The following SLC9A5 variants were observed in gnomAD, a reference collection of about 807,000 sequenced individuals.
SLC9A5 encodes the protein sodium/hydrogen exchanger 5.
Under a neutral mutation model 91.7 loss-of-function variants are expected in SLC9A5, and 52 were observed. That is an observed-to-expected ratio of 0.57 (90% CI 0.45 to 0.71). The LOEUF is 0.71. SLC9A5 is among the 30% of genes least tolerant of loss of function. SLC9A5 has a pLI of 0.00. For missense variants in SLC9A5, 871 were observed against 1,158.9 expected, an observed-to-expected ratio of 0.75 and a Z score of 3.61; for synonymous variants, 419 against 474.5, an observed-to-expected ratio of 0.88 and a Z score of 1.52.
rs1452026038 is a variant in SLC9A5 at position 67,249,127 on chromosome 16, G to A, written c.113G>A (p.Arg38His). Residue 38 changes from arginine (R) to histidine (H), a missense_variant, in exon 1 of 16, where the codon CGC becomes CAC. Arg to His is a conservative substitution (Grantham distance 29). Around this residue, in one of 3 missense-constraint regions of SLC9A5, gnomAD observed 122 missense variants for 114.5 expected, o/e 1.07. Coordinates refer to ENST00000299798, the MANE Select transcript of SLC9A5 (RefSeq NM_004594.3). ...GEPPPGLELF[R>H]WQWHEVEAPY... ...CCTCCCCCAGGCTTAGAGCTCTTCC[G>A]CTGGCAGTGGCACGAGGTGGAGGCG... is the stretch of plus-strand genomic sequence containing the variant. 1.9e-6 allele frequency: 3 copies of A among 1,557,026 alleles called. No individual in the cohort carries two copies. Among genetic ancestry groups the A allele is most frequent in the East Asian group, 2.5e-5 (1 of 40,468 alleles).
Position 67,259,373 on chromosome 16 carries a change from A to AG in SLC9A5, c.1627-200_1627-199insG, listed in dbSNP as rs1461976707. 1.3e-4 allele frequency among the ~76,000 whole-genome samples: 19 copies of AG among 151,806 alleles called. No homozygotes were observed. In the East Asian group the frequency reaches 1.4e-3, roughly 11 times the overall value. ...AGTGACTCTGTCTCAAAAAAAAAAA[A>AG]AAAAAAAAAAAATAGAAAGCAGGCA... On this transcript the variant is annotated intron_variant, in intron 10 of 15. Transcript: ENST00000299798.
intron 13 of SLC9A5, 107 bp from the exon 14 acceptor site, chr16:67,264,933 C>T: frequency 2.7e-6 from 3 of 1,114,768 alleles, no homozygotes; most frequent in Non-Finnish European, 4.1e-6. Flanking sequence ...GACATAAATT[C>T]CCTCCCCTGC....
At chr16:67,261,381 C>T (rs1326043257) in intron 12 of SLC9A5, 2 of 152,166 alleles carry the variant, frequency 1.3e-5, no homozygotes, top group Non-Finnish European at 2.9e-5. Context: ...TCCAGTAGAA[C>T]GAATAAAATA....
chr16:67,255,085 C>T lies in SLC9A5; in HGVS notation c.555C>T (p.Asp185=), dbSNP rs201610107. The T allele has an allele frequency of 1.3e-5, 21 of 1,614,074 alleles. No homozygotes were observed. In the East Asian group the frequency reaches 4.2e-4, roughly 33 times the overall value. Residue 185 remains aspartate, a synonymous_variant, in exon 3 of 16, where the codon GAC becomes GAT. Coordinates refer to ENST00000299798, the MANE Select transcript of SLC9A5 (RefSeq NM_004594.3). The surrounding 1 kb of genome is among the most constrained non-coding windows in gnomAD (Gnocchi z 4.9). ...TTGGGAGCCTCATCTCGGCGGTGGA[C>T]CCCGTGGCCGTGCTAGCTGTCTTTG... The part of the protein sequence containing the change: ...LLFGSLISAV[D]PVAVLAVFEE...
In SLC9A5 at chr16:67,249,188, T is replaced by G; in HGVS notation, c.174T>G (p.Ser58Arg). ...TGGCCCTGTGGATCCTGGTGGCCAG[T>G]CTGGCCAAAATCGGTGAGTGCGTGT... ...YLVALWILVA[S>R]LAKIVFHLSR... is the part of the protein sequence containing the mutation. The change falls in exon 1 of 16, where the codon AGT (serine) becomes AGG (arginine). Residue 58 changes from serine to arginine, a missense_variant. Ser to Arg is a moderately radical substitution (Grantham distance 110). Transcript: ENST00000299798. 1.3e-6 allele frequency: 2 copies of G among 1,534,060 alleles called. No homozygotes were observed. Among genetic ancestry groups the G allele is most frequent in the Non-Finnish European group, 1.7e-6 (2 of 1,146,392 alleles).
chr16:67,251,656 T>G (rs2035127125), intron 1 of SLC9A5, among the ~76,000 whole-genome samples: 1 of 152,004 alleles, frequency 6.6e-6, no homozygotes, highest in Non-Finnish European at 1.5e-5. Context: ...TCAGGTGATC[T>G]GCCCACTTTG....
chr16:67,259,087 C>T (rs909449343), intron 10 of SLC9A5, among the ~76,000 whole-genome samples: 2 of 150,484 alleles, frequency 1.3e-5, no homozygotes, highest in Non-Finnish European at 3.0e-5. Context: ...AGTGAAACCC[C>T]GTCTCTACTA....
In SLC9A5 at chr16:67,266,191, C is replaced by G; in HGVS notation, c.2184C>G (p.Ala728=). 6.2e-7 allele frequency: 1 copy of G among 1,608,584 alleles called. No homozygotes were observed. Among genetic ancestry groups the G allele is most frequent in the Non-Finnish European group, 8.5e-7 (1 of 1,177,546 alleles). Residue 728 remains alanine (A), a synonymous_variant, in exon 15 of 16, where the codon GCC becomes GCG. Transcript: ENST00000299798. The part of the protein sequence containing the change: ...DDEGIIFVAR[A]TSEVLQEGKV... ...AGGGGATCATCTTTGTGGCTCGTGC[C>G]ACCAGTGAGGTTCTCCAAGAGGGCA...
At chr16:67,266,697 C>T (rs1403895281) in intron 15 of SLC9A5, among the ~76,000 whole-genome samples, 10 of 151,878 alleles carry the variant, frequency 6.6e-5, no homozygotes, top group Non-Finnish European at 1.2e-4. Flanking sequence ...TGCACCCCCA[C>T]GCCTGGCTAA....
intron 2 of SLC9A5, among the ~76,000 whole-genome samples, chr16:67,253,415 G>A (rs1432775211): frequency 6.6e-6 from 1 of 151,976 alleles, no homozygotes; most frequent in Admixed American, 6.6e-5. Context: ...ACTCTTCATA[G>A]CAACCCTTTT....
intron 12 of SLC9A5, chr16:67,262,388 T>C (rs529409133): frequency 2.0e-5 from 8 of 394,046 alleles, no homozygotes; most frequent in African/African-American, 1.7e-4. Flanking sequence ...GAGACAGAGA[T>C]ATCTAGTTTT....
intron 1 of SLC9A5, among the ~76,000 whole-genome samples, chr16:67,249,473 T>A (rs2035030149): frequency 6.6e-6 from 1 of 152,156 alleles, no homozygotes; most frequent in Non-Finnish European, 1.5e-5. Context: ...CTTTGCCCTC[T>A]CCGCTCCCCT....
intron 12 of SLC9A5, chr16:67,262,127 C>G (rs1567415520): frequency 2.7e-6 from 1 of 365,550 alleles, no homozygotes; most frequent in African/African-American, 2.1e-5. Context: ...CACCAAATGT[C>G]TCCTTCTTAG....
rs756960539 is a variant in SLC9A5 at position 67,264,371 on chromosome 16, G to A, written c.1862G>A (p.Arg621His). The change falls in exon 13 of 16, where the codon CGC (arginine) becomes CAC (histidine). Residue 621 changes from arginine (R) to histidine (H), a missense_variant. Arg to His is a conservative substitution (Grantham distance 29). This residue lies in a region of SLC9A5 where 454 missense variants were observed against 718.3 expected (regional missense o/e 0.63). Coordinates refer to ENST00000299798, the MANE Select transcript of SLC9A5 (RefSeq NM_004594.3). ...PRRRYKASCSRHFISEDAQER... is the reference protein window; with the variant it reads ...PRRRYKASCSHHFISEDAQER... Reference sequence around the variant, plus strand: ...TGCCAGTACAAAGCCAGCTGCAGTCGCCACTTCATCTCAGAGGATGCGCAG... The same window carrying A: ...TGCCAGTACAAAGCCAGCTGCAGTCACCACTTCATCTCAGAGGATGCGCAG... 7.1e-5 allele frequency: 115 copies of A among 1,613,984 alleles called. No homozygotes were observed. Among genetic ancestry groups the A allele is most frequent in the Non-Finnish European group, 8.6e-5 (102 of 1,180,010 alleles).
chr16:67,254,802 C>T (rs2035249689), intron 2 of SLC9A5, among the ~76,000 whole-genome samples: 2 of 152,210 alleles, frequency 1.3e-5, no homozygotes, highest in African/African-American at 2.4e-5. Context: ...GACGGACCAG[C>T]ATCACACAGT....
Position 67,252,013 on chromosome 16 carries a change from G to T in SLC9A5, c.188-529G>T, listed in dbSNP as rs947169766. ...TATAAAGGAAGGGACATTTCTAGAAGGGGAAAAAGCAGTAAAGGCCTAGGT... is the reference window on the plus strand; with the variant it reads ...TATAAAGGAAGGGACATTTCTAGAATGGGAAAAAGCAGTAAAGGCCTAGGT... On this transcript the variant is annotated intron_variant, in intron 1 of 15. Transcript: ENST00000299798. This position sits in a 1 kb window ranked among gnomAD's most constrained non-coding sequence, Gnocchi z 4.0. Among the ~76,000 whole-genome samples, 1 of 152,188 alleles carries T rather than the reference G, an allele frequency of 6.6e-6. No individual in the cohort carries two copies. Among genetic ancestry groups the T allele is most frequent in the South Asian group, 2.1e-4 (1 of 4,826 alleles).
chr16:67,268,202 A>G (rs2035781301), intron 15 of SLC9A5, among the ~76,000 whole-genome samples: 1 of 146,492 alleles, frequency 6.8e-6, no homozygotes. Context: ...TTTCTGGTAG[A>G]GATGAGGCCT....
chr16:67,265,103 A>G lies in SLC9A5; in HGVS notation c.2077A>G (p.Thr693Ala). The change falls in exon 14 of 16, where the codon ACA becomes GCA. Residue 693 changes from threonine to alanine, a missense_variant. Thr to Ala is a moderately conservative substitution (Grantham distance 58). Coordinates refer to ENST00000299798, the MANE Select transcript of SLC9A5 (RefSeq NM_004594.3). Reference protein sequence around the residue: ...GKHRGLGFQDTAAVILTVESE... With the variant: ...GKHRGLGFQDAAAVILTVESE... ...ACATCGAGGCCTGGGCTTTCAGGAC[A>G]CAGGCAAGCAGGGAGCAGTGTGGGA... 1 of 1,613,968 alleles carries G rather than the reference A, an allele frequency of 6.2e-7. No individual in the cohort carries two copies.
In SLC9A5 at chr16:67,252,441, C is replaced by G; in HGVS notation, c.188-101C>G. 8,304 of 867,690 alleles carry G rather than the reference C, an allele frequency of 9.6e-3. No individual in the cohort carries two copies. The highest frequency in any genetic ancestry group is 0.013 in the Non-Finnish European group (7,317 of 564,134). The allele number at this position is 867,690 out of a possible 1,614,324, so 53.7% of individuals were successfully genotyped here. On this transcript the variant is annotated intron_variant, in intron 1 of 15. Coordinates refer to ENST00000299798, the MANE Select transcript of SLC9A5 (RefSeq NM_004594.3). The surrounding 1 kb of genome is among the most constrained non-coding windows in gnomAD (Gnocchi z 4.0). Reference sequence around the variant, plus strand: ...CTCCAGCTTGGGCAACAGAGTGAGACTTCATCTCAAAAAAAAAAAAACAAA... The same window carrying G: ...CTCCAGCTTGGGCAACAGAGTGAGAGTTCATCTCAAAAAAAAAAAAACAAA...
Sources: allele counts gnomAD v4.1 joint callset (sites outside exome capture counted in the v4.1 genomes callset), GRCh38; gene constraint gnomAD v4.1.1; regional missense constraint gnomAD v4.1.1; non-coding constraint Gnocchi (gnomAD v3.1); transcripts MANE v1.5; gene names NCBI Gene and HGNC (gene_info 2026-07-23, HGNC 2026-07-21).